MKLN1: variants seen among roughly 807,000 people sequenced by gnomAD.
The protein encoded by MKLN1 is muskelin.
MKLN1 carries 18 observed loss-of-function variants against 99.0 expected under a neutral mutation model. The ratio of observed to expected loss-of-function variants is 0.18; its 90% confidence interval spans 0.13 to 0.27. The LOEUF (loss-of-function observed/expected upper bound fraction) is 0.27, where lower values mean the gene tolerates loss of function less well. Among genes scored for constraint, MKLN1 ranks in the 10% least tolerant of loss-of-function variants. MKLN1 has a pLI of 1.00. For synonymous variants in MKLN1, 288 were observed against 293.2 expected (o/e 0.98, Z 0.18); for missense variants, 621 against 875.9 (o/e 0.71, Z 3.67).
intron 3 of MKLN1, among the ~76,000 whole-genome samples, chr7:131,265,453 T>C (rs1797794384): frequency 6.6e-6 from 1 of 152,170 alleles, no homozygotes. Flanking sequence ...TCTTCTTTCA[T>C]TTCCTCCTTT....
intron 4 of MKLN1, among the ~76,000 whole-genome samples, chr7:131,395,456 TTTTA>T (rs1794332827): frequency 6.3e-5 from 2 of 31,504 alleles, no homozygotes; most frequent in Middle Eastern, 0.038. Flanking sequence ...ATTATTTTTA[TTTTA>T]TTTTATTTTA....
At position 131,168,769 on chromosome 7, in the gene MKLN1, C is replaced by T. The variant is rs186906513; in HGVS notation, c.-297+25828C>T. The stretch of plus-strand genomic sequence containing the variant: ...TTGCAAGCCAGCAAAATAAGTATTA[C>T]GTTTTAGTGATAAGAAAACTGAGGC... On this transcript the variant is annotated intron_variant, in intron 2 of 7. Transcript: ENST00000416992. Among the ~76,000 whole-genome samples the T allele has an allele frequency of 1.3e-3, 192 of 151,956 alleles. 1 individual carries two copies. The highest frequency in any genetic ancestry group is 4.2e-3 in the African/African-American group (175 of 41,434).
At chr7:131,330,577 G>T (rs1799041958) in intron 1 of MKLN1, among the ~76,000 whole-genome samples, 1 of 152,114 alleles carries the variant, frequency 6.6e-6, no homozygotes, top group Non-Finnish European at 1.5e-5. Flanking sequence ...AGGTAGTCAG[G>T]CTCCACAGTC....
chr7:131,360,701 A>G (rs534573388), intron 1 of MKLN1, among the ~76,000 whole-genome samples: 4 of 152,120 alleles, frequency 2.6e-5, no homozygotes, highest in Non-Finnish European at 5.9e-5. Flanking sequence ...TTAAGAGTAA[A>G]AAATACATGT....
At position 131,244,905 on chromosome 7, in the gene MKLN1, C is replaced by A. The variant is rs528841639; in HGVS notation, c.-179+41931C>A. ...CTCTGTGGAAAGGCAGGGAAAAGAG[C>A]GACACCCCTACACGGCGGCACCCTT... On this transcript the variant is annotated intron_variant, in intron 3 of 7. Coordinates refer to the MKLN1 transcript ENST00000416992. Among the ~76,000 whole-genome samples, 5 of 152,116 alleles carry A rather than the reference C, an allele frequency of 3.3e-5. No individual in the cohort carries two copies. The East Asian group carries it at 9.6e-4, about 29-fold the overall frequency.
chr7:131,327,856 G>A (rs995579732), upstream of MKLN1: 11 of 1,602,384 alleles, frequency 6.9e-6, no homozygotes, highest in African/African-American at 1.3e-4. Context: ...CCCTCCTCCC[G>A]TTCGCTGCCA....
chr7:131,389,952 T>C (rs1349679758), intron 4 of MKLN1, among the ~76,000 whole-genome samples: 1 of 151,994 alleles, frequency 6.6e-6, no homozygotes, highest in Non-Finnish European at 1.5e-5. Flanking sequence ...TTTGAAAATA[T>C]TATATTGATA....
chr7:131,273,183 C>T (rs745664388), intron 3 of MKLN1, among the ~76,000 whole-genome samples: 62 of 152,182 alleles, frequency 4.1e-4, no homozygotes, highest in Non-Finnish European at 8.1e-4. Flanking sequence ...TACAGCCTTG[C>T]TCTTTCCACT....
intron 8 of MKLN1, among the ~76,000 whole-genome samples, chr7:131,418,308 G>A (rs577079665): frequency 6.7e-6 from 1 of 150,052 alleles, no homozygotes; most frequent in African/African-American, 2.5e-5. Context: ...GGCGGAGGTT[G>A]CAGTGAGGCG....
chr7:131,459,867 C>A lies in MKLN1; in HGVS notation c.1526-3350C>A, dbSNP rs576979022. On this transcript the variant is annotated intron_variant, in intron 12 of 17. Coordinates refer to ENST00000352689, the MANE Select transcript of MKLN1 (RefSeq NM_013255.5). ...CTTTATTTTTTCTTCTACATTATTT[C>A]TTCTTTCCTTCTGGTCTTTTTTTCA... is the stretch of plus-strand genomic sequence containing the variant. Among the ~76,000 whole-genome samples, 7 of 152,044 alleles carry A rather than the reference C, an allele frequency of 4.6e-5. No homozygotes were observed. The East Asian group carries it at 1.4e-3, about 29-fold the overall frequency.
intron 6 of MKLN1, among the ~76,000 whole-genome samples, chr7:131,407,682 C>A (rs1162712211): frequency 6.7e-6 from 1 of 149,818 alleles, no homozygotes; most frequent in African/African-American, 2.4e-5. Flanking sequence ...TTTCCTGAAA[C>A]ATGGTTTTTT....
intron 12 of MKLN1, among the ~76,000 whole-genome samples, chr7:131,448,291 A>G (rs371083050): frequency 4.9e-4 from 75 of 152,344 alleles, no homozygotes; most frequent in African/African-American, 1.6e-3. Flanking sequence ...AAAATTCACC[A>G]TGACAAGTAG....
In MKLN1 at chr7:131,487,507, T is replaced by A; in HGVS notation, c.2087-100T>A. The A allele has an allele frequency of 7.4e-7, 1 of 1,354,640 alleles. No homozygotes were observed. The highest frequency in any genetic ancestry group is 2.4e-5 in the East Asian group (1 of 41,514). The allele number at this position is 1,354,640 out of a possible 1,614,324, so 83.9% of individuals were successfully genotyped here. On this transcript the variant is annotated intron_variant, in intron 17 of 17. Coordinates refer to ENST00000352689, the MANE Select transcript of MKLN1 (RefSeq NM_013255.5). The surrounding 1 kb of genome is among the most constrained non-coding windows in gnomAD (Gnocchi z 4.7). ...TGTCTGCCTGGTTTTGAAGCCTGAT[T>A]TGATTTCTCCATTATAAAATACATT...
chr7:131,243,358 C>A (rs1218460966), intron 3 of MKLN1, among the ~76,000 whole-genome samples: 1 of 152,166 alleles, frequency 6.6e-6, no homozygotes, highest in Non-Finnish European at 1.5e-5. Context: ...CCGTATAGAA[C>A]AATGCTGTTA....
chr7:131,189,761 G>A (rs972803508), intron 2 of MKLN1, among the ~76,000 whole-genome samples: 2 of 152,160 alleles, frequency 1.3e-5, no homozygotes, highest in African/African-American at 4.8e-5. Context: ...GACGCCCGTT[G>A]ACTCAGACAT....
chr7:131,135,433 C>T (rs1449773428), intron 1 of MKLN1, among the ~76,000 whole-genome samples: 3 of 152,146 alleles, frequency 2.0e-5, no homozygotes, highest in Admixed American at 6.5e-5. Context: ...CTTCCACTTC[C>T]GCGTCAGGAG....
chr7:131,276,469 C>A (rs1185239719), intron 3 of MKLN1, among the ~76,000 whole-genome samples: 1 of 152,102 alleles, frequency 6.6e-6, no homozygotes, highest in Non-Finnish European at 1.5e-5. Flanking sequence ...CATCCTAGGG[C>A]CAAATCCCGA....
intron 3 of MKLN1, among the ~76,000 whole-genome samples, chr7:131,231,119 C>CAAAAAAA (rs58048470): frequency 1.7e-4 from 10 of 60,396 alleles, no homozygotes; most frequent in African/African-American, 5.0e-4. Flanking sequence ...GACTCTGTCT[C>CAAAAAAA]AAAAAAAAAA....
At chr7:131,454,105 A>G (rs1427775800) in intron 12 of MKLN1, among the ~76,000 whole-genome samples, 1 of 150,818 alleles carries the variant, frequency 6.6e-6, no homozygotes, top group Non-Finnish European at 1.5e-5. Flanking sequence ...CTGTTAAAAT[A>G]CAAAAAATAT....
Sources: gnomAD v4.1 joint callset for allele counts (sites outside exome capture counted in the v4.1 genomes callset) on GRCh38, gnomAD v4.1.1 for gene constraint, Gnocchi (gnomAD v3.1) non-coding constraint, MANE v1.5 for transcripts, NCBI Gene and HGNC (gene_info 2026-07-23, HGNC 2026-07-21) for gene names.